The following MAP2K5 variants were observed in gnomAD, a reference collection of about 807,000 sequenced individuals.
MAP2K5 encodes the protein dual specificity mitogen-activated protein kinase kinase 5.
Under a neutral mutation model 83.1 loss-of-function variants are expected in MAP2K5, and 49 were observed. The ratio of observed to expected loss-of-function variants is 0.59; its 90% confidence interval spans 0.47 to 0.75. The LOEUF is 0.75. Ranked by LOEUF, MAP2K5 falls within the 30% of genes least tolerant of loss-of-function variation. The probability of loss-of-function intolerance (pLI) is 0.00; values close to 1 mark genes in which losing one functional copy is unlikely to be tolerated. For missense variants in MAP2K5, 457 were observed against 557.5 expected, an observed-to-expected ratio of 0.82 and a Z score of 1.82; for synonymous variants, 202 against 191.8, an observed-to-expected ratio of 1.05 and a Z score of -0.44.
chr15:67,664,535 T>C, intron 12 of MAP2K5, 62 bp from the exon 13 acceptor site: 5 of 1,091,812 alleles, frequency 4.6e-6, no homozygotes, highest in Non-Finnish European at 6.9e-6. Context: ...TATTTAAATA[T>C]GGAAAGTTCC....
At position 67,793,133 on chromosome 15, in the gene MAP2K5, T is replaced by C. The variant is rs1250416610; in HGVS notation, c.1243-13513T>C. On this transcript the variant is annotated intron_variant, in intron 21 of 21. Coordinates refer to ENST00000178640, the MANE Select transcript of MAP2K5 (RefSeq NM_145160.3). This position sits in a 1 kb window ranked among gnomAD's most constrained non-coding sequence, Gnocchi z 4.6. ...ACAGATTACATGCATCAGGATTTAA[T>C]TTTTTACAAAGTTAAATTTACTTCC... 6.6e-6 allele frequency among the ~76,000 whole-genome samples: 1 copy of C among 152,212 alleles called. No homozygotes were observed. The highest frequency in any genetic ancestry group is 1.5e-5 in the Non-Finnish European group (1 of 68,036).
chr15:67,645,289 G>A (rs1021470982), intron 9 of MAP2K5, among the ~76,000 whole-genome samples: 2 of 152,096 alleles, frequency 1.3e-5, no homozygotes, highest in Non-Finnish European at 2.9e-5. Context: ...ACCAGCCTGA[G>A]CAACATAGTG....
rs897870966 is a variant in MAP2K5, at chr15:67,770,080, G to A, written c.1196+417G>A. On this transcript the variant is annotated intron_variant, in intron 20 of 21. Transcript: ENST00000178640. This position sits in a 1 kb window ranked among gnomAD's most constrained non-coding sequence, Gnocchi z 5.0. ...AAGCAGCATAGTTTATTAATTCATC[G>A]GATTTTCAGTAAATAACTTTTATCT... is the stretch of plus-strand genomic sequence containing the variant. 5.3e-5 allele frequency among the ~76,000 whole-genome samples: 8 copies of A among 152,038 alleles called. No individual in the cohort carries two copies. The highest frequency in any genetic ancestry group is 1.0e-4 in the Non-Finnish European group (7 of 68,016).
rs890463754 is a variant in MAP2K5 at position 67,652,229 on chromosome 15, G to GT, written c.736+5768dup. ...TTTTCGGGGTGTGTCATTAGTGCGT[G>GT]TTTTTTTTAAATTATGATATAATAC... On this transcript the variant is annotated intron_variant, in intron 11 of 21. Coordinates refer to ENST00000178640, the MANE Select transcript of MAP2K5 (RefSeq NM_145160.3). This position sits in a 1 kb window ranked among gnomAD's most constrained non-coding sequence, Gnocchi z 4.2. Among the ~76,000 whole-genome samples the GT allele has an allele frequency of 5.3e-5, 8 of 151,726 alleles. No homozygotes were observed. Among genetic ancestry groups the GT allele is most frequent in the East Asian group, 1.9e-4 (1 of 5,164 alleles).
At chr15:67,681,475 GA>G (rs1202902806) in intron 13 of MAP2K5, among the ~76,000 whole-genome samples, 15 of 152,194 alleles carry the variant, frequency 9.9e-5, no homozygotes, top group African/African-American at 3.6e-4. Flanking sequence ...TGACCCACAG[GA>G]ATCTATTTTG....
chr15:67,598,847 G>A (rs543223854), intron 7 of MAP2K5, among the ~76,000 whole-genome samples: 1 of 152,322 alleles, frequency 6.6e-6, no homozygotes, highest in South Asian at 2.1e-4. Flanking sequence ...TTGTGTACTT[G>A]AGTGAGTGAA....
rs1207384217 is a variant in MAP2K5, at chr15:67,758,755, A to T, written c.1134+10154A>T. ...TGTGGTTTACACAGTGTTTCCTGTC[A>T]CATTCTTTCCCCACAACACTCTATT... On this transcript the variant is annotated intron_variant, in intron 19 of 21. Coordinates refer to ENST00000178640, the MANE Select transcript of MAP2K5 (RefSeq NM_145160.3). This position sits in a 1 kb window ranked among gnomAD's most constrained non-coding sequence, Gnocchi z 4.7. 6.6e-6 allele frequency among the ~76,000 whole-genome samples: 1 copy of T among 152,218 alleles called. No individual in the cohort carries two copies. Among genetic ancestry groups the T allele is most frequent in the Non-Finnish European group, 1.5e-5 (1 of 68,042 alleles).
At chr15:67,571,728 G>A (rs180762938) in intron 3 of MAP2K5, among the ~76,000 whole-genome samples, 1 of 152,186 alleles carries the variant, frequency 6.6e-6, no homozygotes, top group Admixed American at 6.5e-5. Context: ...AGGATACAGA[G>A]GCATAAACAA....
chr15:67,602,971 G>A (rs188068874), intron 8 of MAP2K5, among the ~76,000 whole-genome samples: 1 of 152,232 alleles, frequency 6.6e-6, no homozygotes, highest in Admixed American at 6.5e-5. Context: ...TTTTAAAAGA[G>A]GGAGTATACA....
chr15:67,787,069 G>C (rs1262766524), intron 21 of MAP2K5, among the ~76,000 whole-genome samples: 6 of 152,204 alleles, frequency 3.9e-5, no homozygotes. Context: ...CCAGAGAGTA[G>C]TGGGGCAGTT....
At chr15:67,643,609 G>C (rs1244603245) in intron 9 of MAP2K5, among the ~76,000 whole-genome samples, 1 of 152,050 alleles carries the variant, frequency 6.6e-6, no homozygotes. Flanking sequence ...ACCACACCTG[G>C]CTAATTTTTT....
At chr15:67,806,234 C>A (rs1205763903) in intron 21 of MAP2K5, among the ~76,000 whole-genome samples, 2 of 152,254 alleles carry the variant, frequency 1.3e-5, no homozygotes. Flanking sequence ...CGAGATGATT[C>A]TTTGGTCTCT....
chr15:67,727,805 A>C, intron 16 of MAP2K5, 111 bp from the exon 17 acceptor site: 1 of 818,938 alleles, frequency 1.2e-6, no homozygotes, highest in Non-Finnish European at 2.2e-6. Context: ...CAAGGTTGTG[A>C]ACTTTTTTAT....
At chr15:67,549,200 C>T (rs1057019304) in intron 1 of MAP2K5, 21 of 1,535,340 alleles carry the variant, frequency 1.4e-5, no homozygotes, top group Middle Eastern at 3.3e-4. Flanking sequence ...GGTCACTTTC[C>T]CCAGAGCGTA....
chr15:67,790,461 T>C lies in MAP2K5; in HGVS notation c.1243-16185T>C, dbSNP rs2090496114. On this transcript the variant is annotated intron_variant, in intron 21 of 21. Coordinates refer to ENST00000178640, the MANE Select transcript of MAP2K5 (RefSeq NM_145160.3). This position sits in a 1 kb window ranked among gnomAD's most constrained non-coding sequence, Gnocchi z 4.6. ...CACTAATAAACTGTATTTGAAATGC[T>C]GTCTGAGGGCACTGCCGTCTTGTCT... Among the ~76,000 whole-genome samples the C allele has an allele frequency of 6.6e-6, 1 of 152,234 alleles. No homozygotes were observed. Among genetic ancestry groups the C allele is most frequent in the Admixed American group, 6.5e-5 (1 of 15,288 alleles).
chr15:67,743,069 T>G (rs2089529976), intron 17 of MAP2K5, among the ~76,000 whole-genome samples: 1 of 152,240 alleles, frequency 6.6e-6, no homozygotes, highest in African/African-American at 2.4e-5. Context: ...TCTGGTCCCA[T>G]CAGAGCTGTG....
intron 7 of MAP2K5, among the ~76,000 whole-genome samples, chr15:67,598,191 T>A (rs972805427): frequency 6.6e-5 from 10 of 151,118 alleles, no homozygotes; most frequent in African/African-American, 2.4e-4. Flanking sequence ...GGTGACAGAG[T>A]GAGACTTCAT....
chr15:67,594,783 TC>T (rs1200983122), intron 7 of MAP2K5, among the ~76,000 whole-genome samples: 1 of 152,174 alleles, frequency 6.6e-6, no homozygotes, highest in Non-Finnish European at 1.5e-5. Context: ...GATTAGCCTT[TC>T]TTACATTTAC....
intron 15 of MAP2K5, among the ~76,000 whole-genome samples, chr15:67,695,862 T>G (rs188020490): frequency 2.5e-4 from 38 of 152,322 alleles, no homozygotes; most frequent in Admixed American, 1.7e-3. Flanking sequence ...AAACTAAAAT[T>G]GCTTTGCTTC....
Sources: gnomAD v4.1 joint callset for allele counts (sites outside exome capture counted in the v4.1 genomes callset) on GRCh38, gnomAD v4.1.1 for gene constraint, Gnocchi (gnomAD v3.1) non-coding constraint, MANE v1.5 for transcripts, NCBI Gene and HGNC (gene_info 2026-07-23, HGNC 2026-07-21) for gene names.